Variants in TBRG4 observed in about 807,000 individuals in gnomAD.
TBRG4 encodes the protein FAST kinase domain-containing protein 4.
Under a neutral mutation model 65.6 loss-of-function variants are expected in TBRG4, and 43 were observed. The ratio of observed to expected loss-of-function variants is 0.66; its 90% CI spans 0.51 to 0.85. The LOEUF is 0.85. Ranked by LOEUF, TBRG4 falls within the 40% of genes least tolerant of loss-of-function variation. The pLI is 0.00. For missense variants in TBRG4, 709 were observed against 787.9 expected, an observed-to-expected ratio of 0.90 and a Z score of 1.20; for synonymous variants, 366 against 341.4, an observed-to-expected ratio of 1.07 and a Z score of -0.79.
In TBRG4 at chr7:45,105,643, T is replaced by C. The variant is rs955718453; in HGVS notation, c.533A>G (p.Lys178Arg). 2 of 1,613,994 alleles carry C rather than the reference T, an allele frequency of 1.2e-6. No homozygotes were observed. Among genetic ancestry groups the C allele is most frequent in the Non-Finnish European group, 1.7e-6 (2 of 1,180,038 alleles). Residue 178 changes from lysine (K) to arginine (R), a missense_variant, in exon 3 of 11, where the codon AAG (lysine) becomes AGG (arginine). Lys to Arg is a conservative substitution (Grantham distance 26). Transcript: ENST00000258770. The part of the protein sequence containing the change: ...VEQEVRWRMR[K>R]LKYKHLAFLA... ...GAAGGCCAGGTGCTTGTACTTGAGCTTCCGCATGCGCCAGCGGACCTCCTG... is the reference window on the plus strand; with the variant it reads ...GAAGGCCAGGTGCTTGTACTTGAGCCTCCGCATGCGCCAGCGGACCTCCTG...
chr7:45,110,695 A>T (rs1357404953), intron 1 of TBRG4: 1 of 152,008 alleles, frequency 6.6e-6, no homozygotes, highest in African/African-American at 2.4e-5. Context: ...CCCTACGGTG[A>T]TTACATGATC....
intron 5 of TBRG4, 108 bp downstream of exon 5, chr7:45,103,991 C>G (rs1354521206): frequency 3.6e-6 from 5 of 1,392,824 alleles, no homozygotes; most frequent in South Asian, 1.5e-5. Context: ...TATTTGCCCC[C>G]ACAAGTGAGC....
intron 1 of TBRG4, 21 bp from the exon 2 acceptor site, chr7:45,109,308 G>A (rs1441678398): frequency 1.3e-6 from 2 of 1,505,910 alleles, no homozygotes; most frequent in Non-Finnish European, 1.8e-6. Flanking sequence ...AAAGGAGAGA[G>A]AAGGGGCTAC....
At chr7:45,103,795 G>C (rs1584027734) in intron 5 of TBRG4, 2 of 523,580 alleles carry the variant, frequency 3.8e-6, no homozygotes, top group East Asian at 6.5e-5. Context: ...GGGGATCAGT[G>C]ATTCAGTAGA....
chr7:45,109,542 G>C (rs570588898), intron 1 of TBRG4, among the ~76,000 whole-genome samples: 17 of 152,056 alleles, frequency 1.1e-4, no homozygotes, highest in Admixed American at 9.8e-4. Flanking sequence ...CTTGTAATTT[G>C]AAATCACCTA....
Position 45,101,933 on chromosome 7 carries a change from T to C in TBRG4, c.1459A>G (p.Arg487Gly). 1 of 1,608,656 alleles carries C rather than the reference T, an allele frequency of 6.2e-7. No homozygotes were observed. ...TCCTTTTGCAGGGGGGTCACCTTCC[T>C]GTCAAGGGCTGAGGGCCCAGGGGCC... ...AVAPGPSALDRKVTPLQKELQ... is the reference protein window; with the variant it reads ...AVAPGPSALDGKVTPLQKELQ... Residue 487 changes from arginine to glycine, a missense_variant, in exon 8 of 11, where the codon AGG becomes GGG. Arg to Gly is a moderately radical substitution (Grantham distance 125). Coordinates refer to ENST00000258770, the MANE Select transcript of TBRG4 (RefSeq NM_004749.4).
chr7:45,105,342 T>C, intron 3 of TBRG4, 99 bp downstream of exon 3: 6 of 1,321,956 alleles, frequency 4.5e-6, no homozygotes, highest in Non-Finnish European at 6.2e-6. Flanking sequence ...CTGATCCCAG[T>C]GCACACAACG....
rs1217007671 is a variant in TBRG4, at chr7:45,104,670, G to A, written c.775C>T (p.Arg259Trp). 5 of 1,613,940 alleles carry A rather than the reference G, an allele frequency of 3.1e-6. No homozygotes were observed. The highest frequency in any genetic ancestry group is 3.4e-6 in the Non-Finnish European group (4 of 1,180,024). ...GCTGCCAGCATCACCAGCACCTTCC[G>A]CAGCTCATTGGGGCCAAAGTGCTCC... ...LVEHFGPNEL[R>W]KVLVMLAAQS... Residue 259 changes from arginine (R) to tryptophan (W), a missense_variant, in exon 4 of 11, where the codon CGG (arginine) becomes TGG (tryptophan). Coordinates refer to ENST00000258770, the MANE Select transcript of TBRG4 (RefSeq NM_004749.4).
intron 10 of TBRG4, among the ~76,000 whole-genome samples, 183 bp from the exon 11 acceptor site, chr7:45,100,609 T>G (rs1784735802): frequency 6.6e-6 from 1 of 152,160 alleles, no homozygotes; most frequent in Non-Finnish European, 1.5e-5. Context: ...CTGCAGGCAG[T>G]GCGGGCGGGG....
rs542038254 is a variant in TBRG4, at chr7:45,101,965, G to A, written c.1427C>T (p.Ser476Leu). 14 of 1,590,732 alleles carry A rather than the reference G, an allele frequency of 8.8e-6. No homozygotes were observed. The South Asian group carries it at 1.0e-4, about 11-fold the overall frequency. The change falls in exon 8 of 11, where the codon TCG (serine) becomes TTG (leucine). Residue 476 changes from serine to leucine, a missense_variant. Transcript: ENST00000258770. ...PEYSGPLLPA[S>L]AVAPGPSALD... ...GGCTGAGGGCCCAGGGGCCACAGCC[G>A]AGGCAGGCAGAAGGGGACCCGAGTA...
rs1392199684 is a variant in TBRG4, at chr7:45,111,652, A to G, written c.-60T>C. 1 of 1,289,408 alleles carries G rather than the reference A, an allele frequency of 7.8e-7. No homozygotes were observed. Among genetic ancestry groups the G allele is most frequent in the East Asian group, 5.6e-5 (1 of 18,010 alleles). The allele number at this position is 1,289,408 out of a possible 1,614,324, so 79.9% of individuals were successfully genotyped here. A position where few individuals can be genotyped will look rare whatever the true frequency, so the allele number is the denominator to read the frequency against. ...GTGCCACAAGACCTACGCAGCGAGC[A>G]CCACCGCTGACCTCCATCCGCCGCC... On this transcript the variant is annotated 5_prime_UTR_variant, in exon 1 of 11. Coordinates refer to ENST00000258770, the MANE Select transcript of TBRG4 (RefSeq NM_004749.4).
chr7:45,103,089 G>C, intron 6 of TBRG4: 1 of 554,984 alleles, frequency 1.8e-6, no homozygotes, highest in East Asian at 3.1e-5. Context: ...GGCATTAAAA[G>C]GAGCACCAGA....
In TBRG4 at chr7:45,109,178, G is replaced by A; in HGVS notation, c.60C>T (p.Ala20=). The A allele has an allele frequency of 6.2e-6, 10 of 1,613,582 alleles. No individual in the cohort carries two copies. Among genetic ancestry groups the A allele is most frequent in the Non-Finnish European group, 8.5e-6 (10 of 1,179,730 alleles). The change falls in exon 2 of 11, where the codon GCC becomes GCT. Residue 20 remains alanine (A), a synonymous_variant. Coordinates refer to ENST00000258770, the MANE Select transcript of TBRG4 (RefSeq NM_004749.4). ...GTCGGCCAACTGGAGCCATGGCAGGGGCCTGACGAGCAGCTTCTCTCAGGA... is the reference window on the plus strand; with the variant it reads ...GTCGGCCAACTGGAGCCATGGCAGGAGCCTGACGAGCAGCTTCTCTCAGGA... ...TCLLREAARQ[A]PAMAPVGRLR... is the part of the protein sequence containing the mutation.
At chr7:45,104,900 C>G (rs374234109) in intron 3 of TBRG4, 191 bp from the exon 4 acceptor site, 212 of 932,054 alleles carry the variant, frequency 2.3e-4, no homozygotes, top group Non-Finnish European at 3.5e-4. Context: ...ACCCCTGGAC[C>G]TGGAGCACTG....
intron 10 of TBRG4, 27 bp from the exon 11 acceptor site, chr7:45,100,453 A>G (rs746727453): frequency 8.8e-6 from 14 of 1,584,702 alleles, no homozygotes; most frequent in Non-Finnish European, 1.1e-5. Context: ...GAGACAGGTC[A>G]CATGGGCAAG....
At chr7:45,110,338 A>G (rs1436034113) in intron 1 of TBRG4, among the ~76,000 whole-genome samples, 1 of 152,148 alleles carries the variant, frequency 6.6e-6, no homozygotes, top group African/African-American at 2.4e-5. Context: ...TGCCATCTCC[A>G]GCAATGTGTT....
At chr7:45,107,722 T>C (rs1785004962) in intron 2 of TBRG4, 1 of 154,640 alleles carries the variant, frequency 6.5e-6, no homozygotes, top group Non-Finnish European at 1.5e-5. Flanking sequence ...GTTATTACAT[T>C]ACAGATACTT....
At chr7:45,103,310 C>G in intron 6 of TBRG4, 23 bp downstream of exon 6, 1 of 1,580,266 alleles carries the variant, frequency 6.3e-7, no homozygotes. Flanking sequence ...AAAGGTCGAG[C>G]AGTGGGAGCC....
chr7:45,104,123 C>A lies in TBRG4; in HGVS notation c.1041G>T (p.Leu347=). The A allele has an allele frequency of 6.2e-7, 1 of 1,610,844 alleles. No homozygotes were observed. Among genetic ancestry groups the A allele is most frequent in the South Asian group, 1.1e-5 (1 of 90,504 alleles). Residue 347 remains leucine, a synonymous_variant, in exon 5 of 11, where the codon CTG becomes CTT. Coordinates refer to ENST00000258770, the MANE Select transcript of TBRG4 (RefSeq NM_004749.4). ...CCTGGGCAAAGGCCTCAAACAGGGG[C>A]AGGCTGAGCCACTTGAGTAAGGCGA... is the stretch of plus-strand genomic sequence containing the variant. The part of the protein sequence containing the change: ...KSFALLKWLS[L]PLFEAFAQHV...
Sources: allele counts gnomAD v4.1 joint callset (sites outside exome capture counted in the v4.1 genomes callset), GRCh38; gene constraint gnomAD v4.1.1; transcripts MANE v1.5; gene names NCBI Gene and HGNC (gene_info 2026-07-23, HGNC 2026-07-21).